GRM7: variants seen among roughly 807,000 people sequenced by gnomAD.
The protein encoded by GRM7 is glutamate metabotropic receptor 7, also known as metabotropic glutamate receptor 7.
GRM7 carries 35 observed loss-of-function variants against 84.5 expected under a neutral mutation model. The observed-to-expected ratio is 0.41, with a 90% CI of 0.32 to 0.55. The LOEUF is 0.55. GRM7 is among the 20% of genes least tolerant of loss of function. The probability of loss-of-function intolerance (pLI) is 0.19; values close to 1 mark genes in which losing one functional copy is unlikely to be tolerated. For synonymous variants in GRM7, 487 were observed against 455.1 expected (o/e 1.07, Z -0.89); for missense variants, 1,003 against 1,194.6 (o/e 0.84, Z 2.36).
At chr3:7,479,232 G>A (rs1699039095) in intron 7 of GRM7, among the ~76,000 whole-genome samples, 1 of 152,028 alleles carries the variant, frequency 6.6e-6, no homozygotes, top group Non-Finnish European at 1.5e-5. Flanking sequence ...GGCATCTAGA[G>A]CTACATCTCA....
chr3:7,253,787 G>C (rs985040172), intron 2 of GRM7, among the ~76,000 whole-genome samples: 2 of 152,096 alleles, frequency 1.3e-5, no homozygotes, highest in Non-Finnish European at 2.9e-5. Context: ...GATGCAAGCA[G>C]GTAGACTGCA....
intron 2 of GRM7, among the ~76,000 whole-genome samples, chr3:7,200,723 C>T (rs1559498946): frequency 6.6e-6 from 1 of 152,188 alleles, no homozygotes; most frequent in Non-Finnish European, 1.5e-5. Context: ...AGTTCAGAGG[C>T]CACACTTTGT....
At chr3:7,470,569 G>A (rs771782998) in intron 7 of GRM7, among the ~76,000 whole-genome samples, 1 of 152,080 alleles carries the variant, frequency 6.6e-6, no homozygotes, top group Non-Finnish European at 1.5e-5. Context: ...CCACAAACAT[G>A]TACATTAGAG....
intron 4 of GRM7, among the ~76,000 whole-genome samples, chr3:7,314,935 T>A (rs1215348896): frequency 1.3e-5 from 2 of 152,170 alleles, no homozygotes; most frequent in Non-Finnish European, 2.9e-5. Flanking sequence ...TCTTGATTGT[T>A]GAAGGCTACA....
chr3:7,695,932 A>G (rs1277287691), intron 9 of GRM7, among the ~76,000 whole-genome samples: 1 of 152,218 alleles, frequency 6.6e-6, no homozygotes, highest in African/African-American at 2.4e-5. Context: ...AGAATTAAAT[A>G]ATCTTAAACA....
intron 1 of GRM7, among the ~76,000 whole-genome samples, chr3:6,922,537 T>G (rs928675650): frequency 1.3e-5 from 2 of 152,202 alleles, no homozygotes; most frequent in Non-Finnish European, 2.9e-5. Flanking sequence ...GTTTTTAAAT[T>G]TATCACTTCT....
rs150270172 is a variant in GRM7, at chr3:7,626,643, G to C, written c.2451+47286G>C. ...ACTCTAACATCTGCCATCGCATAGTGGTGATCCTTCTGTATGTGTCCAAAG... is the reference window on the plus strand; with the variant it reads ...ACTCTAACATCTGCCATCGCATAGTCGTGATCCTTCTGTATGTGTCCAAAG... On this transcript the variant is annotated intron_variant, in intron 8 of 9. Transcript: ENST00000357716. Among the ~76,000 whole-genome samples, 473 of 152,260 alleles carry C rather than the reference G, an allele frequency of 3.1e-3. 12 individuals carry two copies. The highest frequency in any genetic ancestry group is 0.029 in the Admixed American group (444 of 15,296).
At chr3:7,110,237 T>C (rs1692796453) in intron 1 of GRM7, among the ~76,000 whole-genome samples, 1 of 152,086 alleles carries the variant, frequency 6.6e-6, no homozygotes. Flanking sequence ...ATGCCAGATG[T>C]CCAACCCAAT....
chr3:7,131,388 T>G (rs191936813), intron 1 of GRM7, among the ~76,000 whole-genome samples: 1 of 152,164 alleles, frequency 6.6e-6, no homozygotes, highest in Non-Finnish European at 1.5e-5. Flanking sequence ...TTAGAGGTAT[T>G]TGGGTCTCAG....
intron 4 of GRM7, among the ~76,000 whole-genome samples, chr3:7,371,921 G>C (rs1277036170): frequency 1.3e-5 from 2 of 152,122 alleles, no homozygotes; most frequent in Non-Finnish European, 2.9e-5. Context: ...TCCGGAACAG[G>C]GGACCCTAAA....
At chr3:7,315,554 C>G (rs1357411757) in intron 4 of GRM7, among the ~76,000 whole-genome samples, 3 of 152,146 alleles carry the variant, frequency 2.0e-5, no homozygotes, top group Non-Finnish European at 4.4e-5. Flanking sequence ...AAACTTTGTC[C>G]ATCCTTCAGG....
chr3:7,320,681 A>AGTGTGT (rs56313913), intron 4 of GRM7, among the ~76,000 whole-genome samples: 2,874 of 141,178 alleles, frequency 0.02, 45 homozygotes, highest in Middle Eastern at 0.068. Context: ...GTGGGTGATC[A>AGTGTGT]GTGTGTGTGT....
At chr3:7,357,411 C>G (rs1197366609) in intron 4 of GRM7, among the ~76,000 whole-genome samples, 2 of 151,994 alleles carry the variant, frequency 1.3e-5, no homozygotes, top group East Asian at 1.9e-4. Flanking sequence ...CCCAGCAACC[C>G]AGCACCATAG....
At chr3:7,643,657 A>C (rs1843283) in intron 8 of GRM7, among the ~76,000 whole-genome samples, 131,913 of 151,806 alleles carry the variant, frequency 0.87, 57,475 homozygotes, top group African/African-American at 0.93. Context: ...CAACACCTAC[A>C]ATACAGGATT....
intron 7 of GRM7, among the ~76,000 whole-genome samples, chr3:7,492,401 A>G (rs980634434): frequency 2.6e-5 from 4 of 152,142 alleles, no homozygotes; most frequent in African/African-American, 9.7e-5. Flanking sequence ...AGAACTGTTC[A>G]GTTTGTCTAC....
chr3:7,285,081 G>GC (rs1304087749), intron 2 of GRM7, among the ~76,000 whole-genome samples: 2 of 152,048 alleles, frequency 1.3e-5, no homozygotes, highest in Non-Finnish European at 2.9e-5. Flanking sequence ...ATGACCATTT[G>GC]CTTCTGTGTT....
At position 7,534,510 on chromosome 3, in the gene GRM7, A is replaced by G. The variant is rs1321866844; in HGVS notation, c.1516-43912A>G. ...TCCATATCTTGTGTTTTTAACCACT[A>G]TGCTTTACTACCTCATTTCTTAGAT... is the stretch of plus-strand genomic sequence containing the variant. On this transcript the variant is annotated intron_variant, in intron 7 of 9. Coordinates refer to ENST00000357716, the MANE Select transcript of GRM7 (RefSeq NM_000844.4). Among the ~76,000 whole-genome samples the G allele has an allele frequency of 2.6e-5, 4 of 152,322 alleles. No homozygotes were observed. The East Asian group carries it at 5.8e-4, about 22-fold the overall frequency.
intron 7 of GRM7, among the ~76,000 whole-genome samples, chr3:7,470,321 T>G (rs1359649034): frequency 1.3e-5 from 2 of 152,328 alleles, no homozygotes; most frequent in Admixed American, 6.5e-5. Flanking sequence ...TTCCATAATA[T>G]GTAATAATAC....
chr3:7,267,447 A>G (rs1698684124), intron 2 of GRM7, among the ~76,000 whole-genome samples: 1 of 152,204 alleles, frequency 6.6e-6, no homozygotes, highest in Non-Finnish European at 1.5e-5. Flanking sequence ...TCTAATCAGG[A>G]GTTGGGAAGC....
Sources: gnomAD v4.1 joint callset for allele counts (sites outside exome capture counted in the v4.1 genomes callset) on GRCh38, gnomAD v4.1.1 for gene constraint, MANE v1.5 for transcripts, NCBI Gene and HGNC (gene_info 2026-07-23, HGNC 2026-07-21) for gene names.